Variants in ABCD3 observed in about 807,000 individuals in gnomAD.
ABCD3 encodes ATP binding cassette subfamily D member 3, also known as ATP-binding cassette sub-family D member 3.
Under a neutral mutation model 105.5 loss-of-function variants are expected in ABCD3, and 41 were observed. The observed-to-expected ratio is 0.39, with a 90% CI of 0.30 to 0.50. The LOEUF (loss-of-function observed/expected upper bound fraction) is 0.50, where lower values mean the gene tolerates loss of function less well. ABCD3 is among the 20% of genes least tolerant of loss of function. ABCD3 has a pLI of 0.84. For missense variants in ABCD3, 622 were observed against 806.3 expected (o/e 0.77, Z 2.77); for synonymous variants, 258 against 269.0 (o/e 0.96, Z 0.40).
At chr1:94,487,426 G>T (rs1029645659) in intron 10 of ABCD3, 116 bp from the exon 11 acceptor site, 1 of 892,304 alleles carries the variant, frequency 1.1e-6, no homozygotes, top group African/African-American at 1.7e-5. Flanking sequence ...CAGAAATCAC[G>T]GGCACTCAGT....
intron 1 of ABCD3, 132 bp downstream of exon 1, chr1:94,418,720 C>T (rs1659125918): frequency 1.8e-5 from 16 of 895,556 alleles, no homozygotes; most frequent in Non-Finnish European, 2.7e-5. Flanking sequence ...CCGCGACTGC[C>T]GTGGGACTTC....
the ABCD3 span, among the ~76,000 whole-genome samples, chr1:94,398,123 T>C: frequency 9.2e-5 from 14 of 152,218 alleles, no homozygotes; most frequent in African/African-American, 3.4e-4. Flanking sequence ...AATCCAATAC[T>C]ATCATTATTA....
intron 16 of ABCD3, among the ~76,000 whole-genome samples, chr1:94,494,589 G>A (rs377320623): frequency 3.9e-5 from 6 of 152,234 alleles, no homozygotes; most frequent in South Asian, 2.1e-4. Context: ...TTGGAAAGAG[G>A]CATAATAAAA....
In ABCD3 at chr1:94,464,810, G is replaced by T. The variant is rs374901500; in HGVS notation, c.183G>T (p.Lys61Asn). ...EGKKERAVVD[K>N]VFFSRLIQIL... The stretch of plus-strand genomic sequence containing the variant: ...AAAAGGAGCGAGCTGTGGTGGACAA[G>T]GTGTTTTTCTCAAGGCTCATACAGA... The change falls in exon 3 of 23, where the codon AAG becomes AAT. Residue 61 changes from lysine to asparagine, a missense_variant. By Grantham distance (94) the Lys-to-Asn change is moderately conservative (BLOSUM62 0). Transcript: ENST00000370214. 6.2e-7 allele frequency: 1 copy of T among 1,613,738 alleles called. No homozygotes were observed. Among genetic ancestry groups the T allele is most frequent in the Non-Finnish European group, 8.5e-7 (1 of 1,179,924 alleles).
chr1:94,499,702 T>C (rs1430408740), intron 20 of ABCD3, 88 bp downstream of exon 20: 2 of 1,526,668 alleles, frequency 1.3e-6, no homozygotes, highest in African/African-American at 2.8e-5. Flanking sequence ...CTTATATTTT[T>C]TTATTCAGCA....
At chr1:94,442,355 T>C (rs1401098728) in intron 1 of ABCD3, among the ~76,000 whole-genome samples, 1 of 152,230 alleles carries the variant, frequency 6.6e-6, no homozygotes, top group African/African-American at 2.4e-5. Context: ...TTATAGTTGC[T>C]GTGGAGGAAC....
At chr1:94,489,082 A>C (rs1029563604) in intron 13 of ABCD3, among the ~76,000 whole-genome samples, 17 of 152,064 alleles carry the variant, frequency 1.1e-4, no homozygotes, top group African/African-American at 4.1e-4. Context: ...TATTCAGAGA[A>C]AAATCCTGTT....
At chr1:94,474,358 A>T (rs968790622) in intron 5 of ABCD3, among the ~76,000 whole-genome samples, 1 of 152,002 alleles carries the variant, frequency 6.6e-6, no homozygotes, top group African/African-American at 2.4e-5. Context: ...TATGGTCTGA[A>T]TTTTTTACAG....
intron 20 of ABCD3, among the ~76,000 whole-genome samples, chr1:94,501,152 G>A (rs367770821): frequency 2.4e-4 from 37 of 151,792 alleles, no homozygotes; most frequent in African/African-American, 8.9e-4. Context: ...GCCCAGAGCA[G>A]TGGGGGGCTG....
chr1:94,509,582 C>T (rs1039810609), intron 21 of ABCD3, among the ~76,000 whole-genome samples: 1 of 152,164 alleles, frequency 6.6e-6, no homozygotes, highest in Admixed American at 6.5e-5. Flanking sequence ...CCTCCTTGTA[C>T]CTCTGGTAGA....
intron 1 of ABCD3, among the ~76,000 whole-genome samples, chr1:94,450,080 C>G (rs1660517690): frequency 6.6e-6 from 1 of 152,218 alleles, no homozygotes; most frequent in African/African-American, 2.4e-5. Context: ...ATGCCAGGAA[C>G]TGGAGTGCTT....
At chr1:94,464,274 G>A (rs1648027463) in intron 2 of ABCD3, among the ~76,000 whole-genome samples, 1 of 151,930 alleles carries the variant, frequency 6.6e-6, no homozygotes, top group South Asian at 2.1e-4. Flanking sequence ...GGTAAATCTA[G>A]GAATCCAAAA....
At chr1:94,424,016 C>G (rs1316309583) in intron 1 of ABCD3, among the ~76,000 whole-genome samples, 4 of 152,036 alleles carry the variant, frequency 2.6e-5, no homozygotes, top group Non-Finnish European at 5.9e-5. Context: ...TTACAGTTAC[C>G]CATGAGTAGA....
At chr1:94,453,891 C>A (rs76418016) in intron 1 of ABCD3, among the ~76,000 whole-genome samples, 418 of 141,168 alleles carry the variant, frequency 3.0e-3, no homozygotes, top group African/African-American at 0.01. Flanking sequence ...ATTTCTTCTG[C>A]TTTTTTTTGT....
chr1:94,472,344 CAT>C (rs1012358371), intron 4 of ABCD3: 5 of 314,510 alleles, frequency 1.6e-5, no homozygotes, highest in Non-Finnish European at 2.3e-5. Context: ...ACAATTTTAA[CAT>C]AAATTCTCTG....
In ABCD3 at chr1:94,515,108, T is replaced by C. The variant is rs780196146; in HGVS notation, c.1846-38T>C. 42 of 1,493,708 alleles carry C rather than the reference T, an allele frequency of 2.8e-5. No homozygotes were observed. In the Middle Eastern group the frequency reaches 1.2e-3, roughly 43 times the overall value. 92.5% of individuals were successfully genotyped at this position (1,493,708 alleles called of 1,614,324 possible). ...CATGGACTAGTTTAATTTGTGACTC[T>C]GTTACTCATTAAACCTAAATCATTT... On this transcript the variant is annotated intron_variant, in intron 21 of 22. Coordinates refer to ENST00000370214, the MANE Select transcript of ABCD3 (RefSeq NM_002858.4).
rs527435207 is a variant in ABCD3, at chr1:94,431,814, T to C, written c.110+13226T>C. Among the ~76,000 whole-genome samples, 4 of 152,334 alleles carry C rather than the reference T, an allele frequency of 2.6e-5. No individual in the cohort carries two copies. In the South Asian group the frequency reaches 8.3e-4, roughly 32 times the overall value. ...CATGCCTGGACTAAAATATAGTTCT[T>C]TATTTACCTGTGAATACAGTTATGT... is the stretch of plus-strand genomic sequence containing the variant. On this transcript the variant is annotated intron_variant, in intron 1 of 22. Coordinates refer to ENST00000370214, the MANE Select transcript of ABCD3 (RefSeq NM_002858.4).
At chr1:94,471,499 C>CA (rs76947633) in intron 4 of ABCD3, among the ~76,000 whole-genome samples, 2,066 of 78,002 alleles carry the variant, frequency 0.026, 10 homozygotes, top group African/African-American at 0.044. Context: ...TCCTGTCTCA[C>CA]AAAAAAAAAA....
chr1:94,398,653 C>T, the ABCD3 span, among the ~76,000 whole-genome samples: 4 of 152,188 alleles, frequency 2.6e-5, no homozygotes, highest in Non-Finnish European at 5.9e-5. Context: ...GTGGCTCACG[C>T]CTGTAATCCC....
Sources: allele counts gnomAD v4.1 joint callset (sites outside exome capture counted in the v4.1 genomes callset), GRCh38; gene constraint gnomAD v4.1.1; transcripts MANE v1.5; gene names NCBI Gene and HGNC (gene_info 2026-07-23, HGNC 2026-07-21).